ANK2: variants seen among roughly 807,000 people sequenced by gnomAD.
The protein encoded by ANK2 is ankyrin 2, also known as ankyrin-2.
Under a neutral mutation model 360.5 loss-of-function variants are expected in ANK2, and 83 were observed. That is an observed-to-expected ratio of 0.23 (90% confidence interval 0.19 to 0.28). The LOEUF (loss-of-function observed/expected upper bound fraction) is 0.28, where lower values mean the gene tolerates loss of function less well. Ranked by LOEUF, ANK2 falls within the 10% of genes least tolerant of loss-of-function variation. The pLI is 1.00. For synonymous variants in ANK2, 1,740 were observed against 1,759.5 expected, an observed-to-expected ratio of 0.99 and a Z score of 0.28; for missense variants, 4,201 against 4,795.7, an observed-to-expected ratio of 0.88 and a Z score of 3.66.
intron 7 of ANK2, among the ~76,000 whole-genome samples, chr4:113,238,804 G>C (rs918240830): frequency 1.3e-5 from 2 of 152,160 alleles, no homozygotes; most frequent in African/African-American, 4.8e-5. Flanking sequence ...AATCAGGGAA[G>C]CGTTCCTCTG....
chr4:113,052,930 A>G (rs1028752072), intron 1 of ANK2, among the ~76,000 whole-genome samples: 2 of 152,218 alleles, frequency 1.3e-5, no homozygotes, highest in African/African-American at 2.4e-5. Flanking sequence ...GTATCCCAGT[A>G]AGTCTTATCT....
At position 113,356,557 on chromosome 4, in the gene ANK2, A is replaced by C; in HGVS notation, c.7939A>C (p.Ser2647Arg). Residue 2647 changes from serine to arginine, a missense_variant, in exon 38 of 46, where the codon AGT becomes CGT. Transcript: ENST00000357077. ...ACATACAGGCAGTGGGGAGGATGAAAGTGGTGTCCCTGTGTTAGTAACTTC... is the reference window on the plus strand; with the variant it reads ...ACATACAGGCAGTGGGGAGGATGAACGTGGTGTCCCTGTGTTAGTAACTTC... ...PKHTGSGEDE[S>R]GVPVLVTSES... 6.2e-7 allele frequency: 1 copy of C among 1,614,108 alleles called. No homozygotes were observed. The highest frequency in any genetic ancestry group is 1.1e-5 in the South Asian group (1 of 91,084).
At chr4:113,033,700 C>T (rs753600251) in intron 2 of ANK2, 5 of 151,828 alleles carry the variant, frequency 3.3e-5, no homozygotes, top group Admixed American at 1.3e-4. Context: ...TGAAGAATCC[C>T]ATCCATGTAT....
In ANK2 at chr4:113,242,194, C is replaced by T. The variant is rs746556934; in HGVS notation, c.876C>T (p.Ile292=). 6 of 1,613,672 alleles carry T rather than the reference C, an allele frequency of 3.7e-6. No individual in the cohort carries two copies. The highest frequency in any genetic ancestry group is 5.1e-6 in the Non-Finnish European group (6 of 1,179,662). The stretch of plus-strand genomic sequence containing the variant: ...TCTTACTGGATCGAGGCGGTCAGAT[C>T]GATGCCAAAACTAGGGTGAGTGTCT... ...VKLLLDRGGQ[I]DAKTRDGLTP... The change falls in exon 9 of 46, where the codon ATC becomes ATT. Residue 292 remains isoleucine (I), a synonymous_variant. Transcript: ENST00000357077.
intron 1 of ANK2, among the ~76,000 whole-genome samples, chr4:112,866,314 A>C (rs2070504509): frequency 6.6e-6 from 1 of 152,202 alleles, no homozygotes; most frequent in Non-Finnish European, 1.5e-5. Context: ...AATCTGGATC[A>C]CAGTAGAGGT....
chr4:112,827,456 T>C, intron 1 of ANK2: 1 of 1,371,666 alleles, frequency 7.3e-7, no homozygotes, highest in Non-Finnish European at 1.0e-6. Context: ...AAAGACAACC[T>C]TCTTGCTTCT....
chr4:113,151,207 A>G (rs936329674), intron 1 of ANK2: 4 of 1,155,502 alleles, frequency 3.5e-6, no homozygotes, highest in Non-Finnish European at 3.4e-6. Context: ...CTGCTCAAAA[A>G]AGGAATGTAC....
At chr4:112,919,311 T>C (rs965974325) in intron 2 of ANK2, among the ~76,000 whole-genome samples, 1 of 152,170 alleles carries the variant, frequency 6.6e-6, no homozygotes, top group Non-Finnish European at 1.5e-5. Context: ...TTTATCTCTT[T>C]ATCACAGTTA....
chr4:113,130,490 AG>A (rs2095947639), intron 1 of ANK2, among the ~76,000 whole-genome samples: 1 of 152,230 alleles, frequency 6.6e-6, no homozygotes, highest in African/African-American at 2.4e-5. Flanking sequence ...CTGTGATCAA[AG>A]ACCATGATAG....
the ANK2 span, among the ~76,000 whole-genome samples, chr4:112,800,623 T>G: frequency 0.62 from 94,771 of 152,036 alleles, 31,312 homozygotes; most frequent in East Asian, 0.93. Flanking sequence ...GTGTTCAAAT[T>G]AAGAACCCCT....
At chr4:112,908,430 A>G (rs935244312) in intron 2 of ANK2, among the ~76,000 whole-genome samples, 1 of 152,198 alleles carries the variant, frequency 6.6e-6, no homozygotes, top group African/African-American at 2.4e-5. Context: ...CAGACCAAAC[A>G]AACAGACAGC....
intron 1 of ANK2, among the ~76,000 whole-genome samples, chr4:113,116,060 G>T (rs1506059): frequency 0.11 from 16,640 of 152,144 alleles, 1,155 homozygotes; most frequent in Non-Finnish European, 0.16. Context: ...GGCAGTATAG[G>T]TAATTGGAAT....
At chr4:113,141,612 C>A (rs1287491286) in intron 1 of ANK2, among the ~76,000 whole-genome samples, 1 of 152,162 alleles carries the variant, frequency 6.6e-6, no homozygotes, top group Admixed American at 6.5e-5. Flanking sequence ...TAAATCCTAA[C>A]TAAGAGGTCT....
chr4:113,203,350 AT>A lies in ANK2; in HGVS notation c.384+4242del, dbSNP rs573867874. Reference sequence around the variant, plus strand: ...ACTCTACTTAGAAAGTTTTTAAAAAATATTCTCAAAATCATGAGTTTCTTTA... The same window carrying A: ...ACTCTACTTAGAAAGTTTTTAAAAAAATTCTCAAAATCATGAGTTTCTTTA... On this transcript the variant is annotated intron_variant, in intron 4 of 45. Transcript: ENST00000357077. Among the ~76,000 whole-genome samples the A allele has an allele frequency of 2.9e-4, 44 of 152,294 alleles. 1 individual carries two copies. The South Asian group carries it at 8.5e-3, about 29-fold the overall frequency.
At chr4:113,191,358 GAATA>G (rs572304161) in intron 2 of ANK2, among the ~76,000 whole-genome samples, 7 of 151,884 alleles carry the variant, frequency 4.6e-5, no homozygotes, top group Non-Finnish European at 8.8e-5. Flanking sequence ...AAAATTAAAT[GAATA>G]AATAAATAAA....
chr4:113,187,988 G>A (rs575916070), intron 2 of ANK2, among the ~76,000 whole-genome samples: 9 of 152,190 alleles, frequency 5.9e-5, no homozygotes, highest in East Asian at 5.8e-4. Flanking sequence ...GTGTGTGTGC[G>A]TATATACATA....
Position 113,130,492 on chromosome 4 carries a change from A to G in ANK2, c.85-43924A>G. Among the ~76,000 whole-genome samples, 2 of 152,222 alleles carry G rather than the reference A, an allele frequency of 1.3e-5. 1 individual carries two copies. The highest frequency in any genetic ancestry group is 2.9e-5 in the Non-Finnish European group (2 of 68,050). On this transcript the variant is annotated intron_variant, in intron 1 of 45. Coordinates refer to ENST00000357077, the MANE Select transcript of ANK2 (RefSeq NM_001148.6). The stretch of plus-strand genomic sequence containing the variant: ...CAAGTTGAGCAAACTGTGATCAAAG[A>G]CCATGATAGTACCTGTATTAATGTT...
At chr4:112,826,068 G>A (rs1579112743) in intron 1 of ANK2, among the ~76,000 whole-genome samples, 1 of 152,238 alleles carries the variant, frequency 6.6e-6, no homozygotes, top group East Asian at 1.9e-4. Context: ...GCCATATTTT[G>A]GGGTAGCAGG....
chr4:113,329,582 G>A (rs1248038337), intron 26 of ANK2, among the ~76,000 whole-genome samples: 1 of 152,116 alleles, frequency 6.6e-6, no homozygotes, highest in Non-Finnish European at 1.5e-5. Flanking sequence ...GTATGGGCGG[G>A]CCTACTTGTT....
Sources: gnomAD v4.1 joint callset for allele counts (sites outside exome capture counted in the v4.1 genomes callset) on GRCh38, gnomAD v4.1.1 for gene constraint, MANE v1.5 for transcripts, NCBI Gene and HGNC (gene_info 2026-07-23, HGNC 2026-07-21) for gene names.